Variants in ATP8B2 observed in about 807,000 individuals in gnomAD.
The protein encoded by ATP8B2 is ATPase phospholipid transporting 8B2, also known as phospholipid-transporting ATPase ID.
ATP8B2 carries 70 observed loss-of-function variants against 133.4 expected under a neutral mutation model. That is an observed-to-expected ratio of 0.52 (90% CI 0.43 to 0.64). The LOEUF (loss-of-function observed/expected upper bound fraction) is 0.64, where lower values mean the gene tolerates loss of function less well. ATP8B2 is among the 30% of genes least tolerant of loss of function. ATP8B2 has a pLI of 0.00. For synonymous variants in ATP8B2, 517 were observed against 589.5 expected (o/e 0.88, Z 1.78); for missense variants, 1,101 against 1,535.7 (o/e 0.72, Z 4.73).
At position 154,328,173 on chromosome 1, in the gene ATP8B2, G is replaced by T; in HGVS notation, c.31+1G>T. 1.2e-6 allele frequency: 2 copies of T among 1,613,602 alleles called. No homozygotes were observed. Among genetic ancestry groups the T allele is most frequent in the Non-Finnish European group, 1.7e-6 (2 of 1,179,656 alleles). ...GTGTGTGCAAAAAAGCGCCCCCCAG[G>T]TAAGACAGGCAAGGAGGGGAGATCC... On this transcript the variant is annotated splice_donor_variant, in intron 2 of 27. Coordinates refer to ENST00000368489, the MANE Select transcript of ATP8B2 (RefSeq NM_001370597.1). LOFTEE classifies it high-confidence loss of function. This position sits in a 1 kb window ranked among gnomAD's most constrained non-coding sequence, Gnocchi z 4.6.
Position 154,343,321 on chromosome 1 carries a change from G to C in ATP8B2, c.1642+20G>C. 1.2e-6 allele frequency: 2 copies of C among 1,612,896 alleles called. No homozygotes were observed. Among genetic ancestry groups the C allele is most frequent in the South Asian group, 1.1e-5 (1 of 91,012 alleles). On this transcript the variant is annotated intron_variant, in intron 16 of 27. Coordinates refer to ENST00000368489, the MANE Select transcript of ATP8B2 (RefSeq NM_001370597.1). This position sits in a 1 kb window ranked among gnomAD's most constrained non-coding sequence, Gnocchi z 5.8. The stretch of plus-strand genomic sequence containing the variant: ...TCATAGGTGAGGCCAGGCCTGGGGT[G>C]CTGGGGCGTTTGGGGACAGCATTCA...
At position 154,346,175 on chromosome 1, in the gene ATP8B2, C is replaced by T. The variant is rs1686574482; in HGVS notation, c.2779-56C>T. 6.3e-7 allele frequency: 1 copy of T among 1,585,358 alleles called. No homozygotes were observed. The highest frequency in any genetic ancestry group is 8.6e-7 in the Non-Finnish European group (1 of 1,164,330). The stretch of plus-strand genomic sequence containing the variant: ...GAGTCAGAGTCTGCCCTTGGTCATC[C>T]AGGGTCAAAACGGCAACCTCTGAGG... On this transcript the variant is annotated intron_variant, in intron 24 of 27. Coordinates refer to ENST00000368489, the MANE Select transcript of ATP8B2 (RefSeq NM_001370597.1). The surrounding 1 kb of genome is among the most constrained non-coding windows in gnomAD (Gnocchi z 4.5).
At chr1:154,330,331 C>G in intron 2 of ATP8B2, 65 bp from the exon 3 acceptor site, 1 of 1,444,470 alleles carries the variant, frequency 6.9e-7, no homozygotes, top group Non-Finnish European at 9.7e-7. Context: ...ACAGGGAACC[C>G]CCCAGCAAAG....
chr1:154,328,132 G>A lies in ATP8B2; in HGVS notation c.-10G>A, dbSNP rs772963531. On this transcript the variant is annotated 5_prime_UTR_variant, in exon 2 of 28. Transcript: ENST00000368489. The surrounding 1 kb of genome is among the most constrained non-coding windows in gnomAD (Gnocchi z 4.6). ...TCTCCCATGGGATTGCTGGGATCTT[G>A]CTGGGTGAGATGGCAGTGTGTGCAA... is the stretch of plus-strand genomic sequence containing the variant. The A allele has an allele frequency of 1.2e-6, 2 of 1,614,162 alleles. No homozygotes were observed. The highest frequency in any genetic ancestry group is 4.5e-5 in the East Asian group (2 of 44,890).
At position 154,346,115 on chromosome 1, in the gene ATP8B2, C is replaced by T; in HGVS notation, c.2779-116C>T. 1 of 1,457,760 alleles carries T rather than the reference C, an allele frequency of 6.9e-7. No homozygotes were observed. 90.3% of individuals were successfully genotyped at this position (1,457,760 alleles called of 1,614,324 possible). On this transcript the variant is annotated intron_variant, in intron 24 of 27. Transcript: ENST00000368489. The surrounding 1 kb of genome is among the most constrained non-coding windows in gnomAD (Gnocchi z 4.5). The stretch of plus-strand genomic sequence containing the variant: ...GTAGCTGGCTTGAGGTTGGTTCTAG[C>T]TGCCAAAGACTTTGGAAAGGAGGAG...
At chr1:154,335,849 C>T (rs1217158171) in intron 11 of ATP8B2, among the ~76,000 whole-genome samples, 1 of 151,942 alleles carries the variant, frequency 6.6e-6, no homozygotes, top group African/African-American at 2.4e-5. Flanking sequence ...ACCATCCTGA[C>T]CAACATGGTG....
chr1:154,328,295 C>G lies in ATP8B2; in HGVS notation c.31+123C>G. On this transcript the variant is annotated intron_variant, in intron 2 of 27. Transcript: ENST00000368489. This position sits in a 1 kb window ranked among gnomAD's most constrained non-coding sequence, Gnocchi z 4.6. ...GAGGGAGGGTAGCTTACAGCAGCCC[C>G]TACCCAGCTTGGGGGCAGCCTAGGA... is the stretch of plus-strand genomic sequence containing the variant. 9.2e-7 allele frequency: 1 copy of G among 1,091,062 alleles called. No homozygotes were observed. The highest frequency in any genetic ancestry group is 1.4e-6 in the Non-Finnish European group (1 of 718,436). The allele number at this position is 1,091,062 out of a possible 1,614,324, so 67.6% of individuals were successfully genotyped here. A position where few individuals can be genotyped will look rare whatever the true frequency, so the allele number is the denominator to read the frequency against.
Position 154,325,704 on chromosome 1 carries a change from TGAGGC to T in ATP8B2, c.-38+15_-38+19del. On this transcript the variant is annotated splice_donor_5th_base_variant and intron_variant, in intron 1 of 27. Transcript: ENST00000368489. Reference sequence around the variant, plus strand: ...GGGCGCCGAGCGCTGAGCGCTGAGGTGAGGCGAGGCGAGGCGAAGCGGGGGCGCCC... The same window carrying T: ...GGGCGCCGAGCGCTGAGCGCTGAGGTGAGGCGAGGCGAAGCGGGGGCGCCC... 1 of 150,710 alleles carries T rather than the reference TGAGGC, an allele frequency of 6.6e-6. No individual in the cohort carries two copies. The highest frequency in any genetic ancestry group is 1.5e-5 in the Non-Finnish European group (1 of 67,914). 9.3% of individuals were successfully genotyped at this position (150,710 alleles called of 1,614,324 possible).
At chr1:154,336,465 CAA>C (rs34095788) in intron 11 of ATP8B2, among the ~76,000 whole-genome samples, 6 of 146,980 alleles carry the variant, frequency 4.1e-5, no homozygotes, top group Non-Finnish European at 7.4e-5. Flanking sequence ...AAAAAAATTG[CAA>C]AAAAAAATCT....
Position 154,334,019 on chromosome 1 carries a change from C to T in ATP8B2, c.590-88C>T, listed in dbSNP as rs1018551320. 2.1e-5 allele frequency: 32 copies of T among 1,500,576 alleles called. No individual in the cohort carries two copies. The African/African-American group carries it at 2.5e-4, about 12-fold the overall frequency. 93.0% of individuals were successfully genotyped at this position (1,500,576 alleles called of 1,614,324 possible). A position where few individuals can be genotyped will look rare whatever the true frequency, so the allele number is the denominator to read the frequency against. On this transcript the variant is annotated intron_variant, in intron 9 of 27. Coordinates refer to ENST00000368489, the MANE Select transcript of ATP8B2 (RefSeq NM_001370597.1). The surrounding 1 kb of genome is among the most constrained non-coding windows in gnomAD (Gnocchi z 4.6). Reference sequence around the variant, plus strand: ...TGGGCCCTTGCCCTTGCATCCTCTTCGCTCAGCTCATTTTCTCTTTGTTTT... The same window carrying T: ...TGGGCCCTTGCCCTTGCATCCTCTTTGCTCAGCTCATTTTCTCTTTGTTTT...
In ATP8B2 at chr1:154,331,036, T is replaced by G; in HGVS notation, c.205-12T>G. 2 of 1,612,436 alleles carry G rather than the reference T, an allele frequency of 1.2e-6. No homozygotes were observed. Among genetic ancestry groups the G allele is most frequent in the Non-Finnish European group, 1.7e-6 (2 of 1,178,548 alleles). ...GGGGCCTCAGAGGCATACTTCTCTTTCTTTTTTTCAGTTGATCCCCCAGAT... is the reference window on the plus strand; with the variant it reads ...GGGGCCTCAGAGGCATACTTCTCTTGCTTTTTTTCAGTTGATCCCCCAGAT... On this transcript the variant is annotated splice_polypyrimidine_tract_variant and intron_variant, in intron 4 of 27. Transcript: ENST00000368489. The surrounding 1 kb of genome is among the most constrained non-coding windows in gnomAD (Gnocchi z 4.8).
At position 154,349,288 on chromosome 1, in the gene ATP8B2, T is replaced by C; in HGVS notation, c.*170T>C. The C allele has an allele frequency of 1.1e-6, 1 of 942,204 alleles. No individual in the cohort carries two copies. The highest frequency in any genetic ancestry group is 1.5e-6 in the Non-Finnish European group (1 of 646,760). 58.4% of individuals were successfully genotyped at this position (942,204 alleles called of 1,614,324 possible). Reference sequence around the variant, plus strand: ...TGGCTGGGACATCTGTTCCCAGCTGTAGGCCCTTCCACCAGCTGGGGAGCT... The same window carrying C: ...TGGCTGGGACATCTGTTCCCAGCTGCAGGCCCTTCCACCAGCTGGGGAGCT... On this transcript the variant is annotated 3_prime_UTR_variant, in exon 28 of 28. Transcript: ENST00000368489.
chr1:154,348,661 TC>T, intron 27 of ATP8B2, 123 bp downstream of exon 27: 1 of 1,444,326 alleles, frequency 6.9e-7, no homozygotes, highest in Non-Finnish European at 9.3e-7. Flanking sequence ...TATCTGTTCT[TC>T]CTGGGGACAG....
intron 26 of ATP8B2, 139 bp from the exon 27 acceptor site, chr1:154,348,269 A>G (rs1355675235): frequency 2.1e-6 from 2 of 943,388 alleles, no homozygotes; most frequent in East Asian, 5.7e-5. Flanking sequence ...GGAGATTTAC[A>G]TTTGGAGGGT....
rs1300239165 is a variant in ATP8B2 at position 154,344,337 on chromosome 1, G to T, written c.2036-58G>T. ...GCATGGAGCCGAGGACATCAGGCAG[G>T]CAAGTGTGCTGACCTTGTTGGGTGC... is the stretch of plus-strand genomic sequence containing the variant. On this transcript the variant is annotated intron_variant, in intron 19 of 27. Coordinates refer to ENST00000368489, the MANE Select transcript of ATP8B2 (RefSeq NM_001370597.1). This position sits in a 1 kb window ranked among gnomAD's most constrained non-coding sequence, Gnocchi z 4.1. 6.2e-6 allele frequency: 10 copies of T among 1,614,006 alleles called. No individual in the cohort carries two copies. Among genetic ancestry groups the T allele is most frequent in the Non-Finnish European group, 7.6e-6 (9 of 1,179,966 alleles).
Position 154,349,183 on chromosome 1 carries a change from A to T in ATP8B2, c.*65A>T. ...CCAGGGCTGGCCAGTCACTGAGGGA[A>T]CAGCGTCTCGGAACTGCTGGTCCTC... is the stretch of plus-strand genomic sequence containing the variant. On this transcript the variant is annotated 3_prime_UTR_variant, in exon 28 of 28. Transcript: ENST00000368489. 1 of 1,556,346 alleles carries T rather than the reference A, an allele frequency of 6.4e-7. No individual in the cohort carries two copies. The highest frequency in any genetic ancestry group is 1.2e-5 in the South Asian group (1 of 84,452).
In ATP8B2 at chr1:154,334,670, T is replaced by G; in HGVS notation, c.837+79T>G. 7.7e-7 allele frequency: 1 copy of G among 1,295,334 alleles called. No homozygotes were observed. Among genetic ancestry groups the G allele is most frequent in the Non-Finnish European group, 1.1e-6 (1 of 909,922 alleles). The allele number at this position is 1,295,334 out of a possible 1,614,324, so 80.2% of individuals were successfully genotyped here. ...CTCCTTTTCCTTTCCTCTTTCTTCT[T>G]TGGTCAGTAGACTTCAGGTTTGGCT... On this transcript the variant is annotated intron_variant, in intron 11 of 27. Coordinates refer to ENST00000368489, the MANE Select transcript of ATP8B2 (RefSeq NM_001370597.1). This position sits in a 1 kb window ranked among gnomAD's most constrained non-coding sequence, Gnocchi z 4.6.
Position 154,340,444 on chromosome 1 carries a change from T to C in ATP8B2, c.1035-410T>C, listed in dbSNP as rs1686340741. ...AGGTGGCGTCTGTGTTGCTGTGGCA[T>C]GCACAGCACCCTCATTATTTCTCTC... is the stretch of plus-strand genomic sequence containing the variant. On this transcript the variant is annotated intron_variant, in intron 12 of 27. Transcript: ENST00000368489. The surrounding 1 kb of genome is among the most constrained non-coding windows in gnomAD (Gnocchi z 4.0). 1.0e-5 allele frequency: 2 copies of C among 200,784 alleles called. No individual in the cohort carries two copies. The highest frequency in any genetic ancestry group is 2.3e-5 in the Non-Finnish European group (2 of 88,228). The allele number at this position is 200,784 out of a possible 1,614,324, so 12.4% of individuals were successfully genotyped here. A position where few individuals can be genotyped will look rare whatever the true frequency, so the allele number is the denominator to read the frequency against.
In ATP8B2 at chr1:154,343,055, CG is replaced by C; in HGVS notation, c.1454-54del. 1 of 1,593,650 alleles carries C rather than the reference CG, an allele frequency of 6.3e-7. No homozygotes were observed. The highest frequency in any genetic ancestry group is 8.6e-7 in the Non-Finnish European group (1 of 1,168,320). On this transcript the variant is annotated intron_variant, in intron 15 of 27. Transcript: ENST00000368489. This position sits in a 1 kb window ranked among gnomAD's most constrained non-coding sequence, Gnocchi z 5.8. ...TGCGGCTGGGCTGGGGCTTCCTGGG[CG>C]GGGCACGTGGCTGAGGGAAGCCACT...
Sources: allele counts gnomAD v4.1 joint callset (sites outside exome capture counted in the v4.1 genomes callset), GRCh38; gene constraint gnomAD v4.1.1; non-coding constraint Gnocchi (gnomAD v3.1); transcripts MANE v1.5; gene names NCBI Gene and HGNC (gene_info 2026-07-23, HGNC 2026-07-21).